The following ZNF517 variants were observed in gnomAD, a reference collection of about 807,000 sequenced individuals.
The protein encoded by ZNF517 is zinc finger protein 517.
ZNF517 carries 12 observed loss-of-function variants against 12.1 expected under a neutral mutation model. The observed-to-expected ratio is 0.99, with a 90% CI of 0.63 to 1.61. The LOEUF (loss-of-function observed/expected upper bound fraction) is 1.61. ZNF517 is among the 40% of genes most tolerant of loss of function. ZNF517 has a pLI of 0.00. For missense variants in ZNF517, 781 were observed against 693.2 expected (o/e 1.13, Z -1.42); for synonymous variants, 388 against 310.2 (o/e 1.25, Z -2.63).
chr8:144,808,648 G>A lies in ZNF517; in HGVS notation c.*253G>A, dbSNP rs535221858. On this transcript the variant is annotated 3_prime_UTR_variant, in exon 5 of 5. Coordinates refer to ENST00000359971, the MANE Select transcript of ZNF517 (RefSeq NM_213605.3). Reference sequence around the variant, plus strand: ...GGGCCTTCCGGAAATGTCCAGGAGCGGGCAGAAGGGAGAGAGGGAGGGGCA... The same window carrying A: ...GGGCCTTCCGGAAATGTCCAGGAGCAGGCAGAAGGGAGAGAGGGAGGGGCA... 4.5e-4 allele frequency: 190 copies of A among 421,480 alleles called. 1 individual carries two copies. The highest frequency in any genetic ancestry group is 7.2e-4 in the Non-Finnish European group (181 of 250,062). 26.1% of individuals were successfully genotyped at this position (421,480 alleles called of 1,614,324 possible).
chr8:144,808,430 A>T lies in ZNF517; in HGVS notation c.*35A>T. The T allele has an allele frequency of 2.1e-6, 3 of 1,440,502 alleles. No individual in the cohort carries two copies. The highest frequency in any genetic ancestry group is 1.8e-6 in the Non-Finnish European group (2 of 1,097,568). The allele number at this position is 1,440,502 out of a possible 1,614,324, so 89.2% of individuals were successfully genotyped here. On this transcript the variant is annotated 3_prime_UTR_variant, in exon 5 of 5. Coordinates refer to ENST00000359971, the MANE Select transcript of ZNF517 (RefSeq NM_213605.3). ...CGACAGGCCGAGGATTCACGCTGGA[A>T]GCCCACCCAAGCCGGCGGGGCCCTA...
intron 1 of ZNF517, chr8:144,802,665 G>T: frequency 2.5e-6 from 2 of 785,284 alleles, no homozygotes; most frequent in Non-Finnish European, 3.1e-6. Context: ...CTCCCAGCAA[G>T]GTGAGAGCCA....
Position 144,808,509 on chromosome 8 carries a change from G to A in ZNF517, c.*114G>A. ...AAGGTGAAGCAAAGTCTAAAGAAAG[G>A]GCCAGCTCCCATCAGGAGCTCGGCT... is the stretch of plus-strand genomic sequence containing the variant. On this transcript the variant is annotated 3_prime_UTR_variant, in exon 5 of 5. Transcript: ENST00000359971. The A allele has an allele frequency of 7.6e-7, 1 of 1,322,410 alleles. No homozygotes were observed. Among genetic ancestry groups the A allele is most frequent in the South Asian group, 2.2e-5 (1 of 45,488 alleles). The allele number at this position is 1,322,410 out of a possible 1,614,324, so 81.9% of individuals were successfully genotyped here. A position where few individuals can be genotyped will look rare whatever the true frequency, so the allele number is the denominator to read the frequency against.
rs1479700871 is a variant in ZNF517 at position 144,807,179 on chromosome 8, T to G, written c.275-12T>G. On this transcript the variant is annotated splice_polypyrimidine_tract_variant and intron_variant, in intron 4 of 4. Transcript: ENST00000359971. Reference sequence around the variant, plus strand: ...GCTGGATCATCCTTCCGTTTTCTGTTCCTTCTCTCAGATTCCAGGATGGAG... The same window carrying G: ...GCTGGATCATCCTTCCGTTTTCTGTGCCTTCTCTCAGATTCCAGGATGGAG... 7.9e-6 allele frequency: 12 copies of G among 1,515,788 alleles called. No homozygotes were observed. The highest frequency in any genetic ancestry group is 1.4e-5 in the African/African-American group (1 of 71,714). The allele number at this position is 1,515,788 out of a possible 1,614,324, so 93.9% of individuals were successfully genotyped here.
rs138557430 is a variant in ZNF517 at position 144,804,155 on chromosome 8, C to A, written c.191C>A (p.Ser64Tyr). 3.2e-4 allele frequency: 518 copies of A among 1,614,034 alleles called. 1 individual carries two copies. Among genetic ancestry groups the A allele is most frequent in the Non-Finnish European group, 3.7e-4 (439 of 1,179,994 alleles). The stretch of plus-strand genomic sequence containing the variant: ...CTTGTTGCCAAACCAGCACTGATCT[C>A]CCTATTGGAGCAAGGAGAGGAGCCG... ...GFLVAKPALI[S>Y]LLEQGEEPGA... The change falls in exon 4 of 5, where the codon TCC (serine) becomes TAC (tyrosine). Residue 64 changes from serine (S) to tyrosine (Y), a missense_variant. Ser to Tyr is a moderately radical substitution (Grantham distance 144, BLOSUM62 -2). Coordinates refer to ENST00000359971, the MANE Select transcript of ZNF517 (RefSeq NM_213605.3).
Position 144,809,243 on chromosome 8 carries a change from T to C in ZNF517, c.*848T>C, listed in dbSNP as rs1827459539. 6.6e-6 allele frequency: 1 copy of C among 151,880 alleles called. No individual in the cohort carries two copies. The highest frequency in any genetic ancestry group is 6.6e-5 in the Admixed American group (1 of 15,246). 9.4% of individuals were successfully genotyped at this position (151,880 alleles called of 1,614,324 possible). On this transcript the variant is annotated 3_prime_UTR_variant, in exon 5 of 5. Transcript: ENST00000359971. ...GATCTCTCTGTCAGCCAGCCTGGAG[T>C]GCAATGGCACAATCATGGCTTACTG... is the stretch of plus-strand genomic sequence containing the variant.
Position 144,804,150 on chromosome 8 carries a change from G to T in ZNF517, c.186G>T (p.Leu62=). Reference sequence around the variant, plus strand: ...GCTTTCTTGTTGCCAAACCAGCACTGATCTCCCTATTGGAGCAAGGAGAGG... The same window carrying T: ...GCTTTCTTGTTGCCAAACCAGCACTTATCTCCCTATTGGAGCAAGGAGAGG... ...SLGFLVAKPA[L]ISLLEQGEEP... The change falls in exon 4 of 5, where the codon CTG becomes CTT. Residue 62 remains leucine, a synonymous_variant. Coordinates refer to ENST00000359971, the MANE Select transcript of ZNF517 (RefSeq NM_213605.3). 1 of 1,614,124 alleles carries T rather than the reference G, an allele frequency of 6.2e-7. No individual in the cohort carries two copies. The highest frequency in any genetic ancestry group is 8.5e-7 in the Non-Finnish European group (1 of 1,179,980).
chr8:144,803,045 A>C (rs1216032007), intron 2 of ZNF517, 98 bp downstream of exon 2: 2 of 1,471,842 alleles, frequency 1.4e-6, no homozygotes, highest in Non-Finnish European at 1.9e-6. Context: ...CCTCACACCC[A>C]CCCACATCAC....
chr8:144,804,592 GAGAT>G (rs1438571151), intron 4 of ZNF517, among the ~76,000 whole-genome samples: 3 of 152,130 alleles, frequency 2.0e-5, no homozygotes, highest in Non-Finnish European at 4.4e-5. Context: ...ACAAGACAAA[GAGAT>G]AGAAGAAAAG....
Position 144,808,257 on chromosome 8 carries a change from C to G in ZNF517, c.1341C>G (p.Ser447Arg), listed in dbSNP as rs879599886. ...YTLNEHYRLH[S>R]GERPYRCRAC... is the part of the protein sequence containing the mutation. ...TGAACGAGCACTACCGGCTCCACAG[C>G]GGCGAGAGGCCATACCGGTGCCGCG... is the stretch of plus-strand genomic sequence containing the variant. Residue 447 changes from serine to arginine, a missense_variant, in exon 5 of 5, where the codon AGC becomes AGG. Ser to Arg is a moderately radical substitution (Grantham distance 110). Coordinates refer to ENST00000359971, the MANE Select transcript of ZNF517 (RefSeq NM_213605.3). The G allele has an allele frequency of 6.3e-6, 10 of 1,590,698 alleles. No homozygotes were observed. Among genetic ancestry groups the G allele is most frequent in the African/African-American group, 2.7e-5 (2 of 74,330 alleles).
chr8:144,805,204 T>C (rs771609573), intron 4 of ZNF517, among the ~76,000 whole-genome samples: 1 of 152,268 alleles, frequency 6.6e-6, no homozygotes, highest in Non-Finnish European at 1.5e-5. Context: ...AGGAGCCCTC[T>C]AGTGGCCCTG....
At chr8:144,803,614 C>T in intron 2 of ZNF517, 27 bp from the exon 3 acceptor site, 1 of 1,612,696 alleles carries the variant, frequency 6.2e-7, no homozygotes, top group Non-Finnish European at 8.5e-7. Context: ...CCCTTGACTG[C>T]CTGGATAGCA....
intron 1 of ZNF517, among the ~76,000 whole-genome samples, 186 bp downstream of exon 1, chr8:144,799,123 C>G (rs914983108): frequency 6.6e-6 from 1 of 152,176 alleles, no homozygotes; most frequent in Non-Finnish European, 1.5e-5. Context: ...CCCTGCGCCC[C>G]GGTCCATGCT....
In ZNF517 at chr8:144,807,449, A is replaced by G. The variant is rs750412457; in HGVS notation, c.533A>G (p.Tyr178Cys). The G allele has an allele frequency of 1.6e-5, 25 of 1,575,942 alleles. No homozygotes were observed. The African/African-American group carries it at 2.3e-4, about 15-fold the overall frequency. The part of the protein sequence containing the change: ...GRPVGSSAPR[Y>C]RCVCGKAFRY... The stretch of plus-strand genomic sequence containing the variant: ...CCTGTGGGGAGCTCAGCCCCCCGCT[A>G]CAGGTGCGTGTGCGGCAAGGCGTTC... The change falls in exon 5 of 5, where the codon TAC (tyrosine) becomes TGC (cysteine). Residue 178 changes from tyrosine to cysteine, a missense_variant. Coordinates refer to ENST00000359971, the MANE Select transcript of ZNF517 (RefSeq NM_213605.3).
rs1026185684 is a variant in ZNF517, at chr8:144,798,920, C to T, written c.-63C>T. ...CGGGCGCCGTGCGCTCCTCCCCGCG[C>T]TGTCTCGGCGGCCCAGGGTGAGTCG... is the stretch of plus-strand genomic sequence containing the variant. On this transcript the variant is annotated 5_prime_UTR_variant, in exon 1 of 5. Transcript: ENST00000359971. The T allele has an allele frequency of 1.3e-5, 2 of 152,128 alleles. No homozygotes were observed. The highest frequency in any genetic ancestry group is 4.8e-5 in the African/African-American group (2 of 41,426). 9.4% of individuals were successfully genotyped at this position (152,128 alleles called of 1,614,324 possible). A position where few individuals can be genotyped will look rare whatever the true frequency, so the allele number is the denominator to read the frequency against.
chr8:144,802,730 G>A, intron 1 of ZNF517, 140 bp from the exon 2 acceptor site: 2 of 1,365,038 alleles, frequency 1.5e-6, no homozygotes, highest in Non-Finnish European at 1.9e-6. Flanking sequence ...ACACCTCCTT[G>A]GGACGTGAAG....
Position 144,807,477 on chromosome 8 carries a change from A to G in ZNF517, c.561A>G (p.Arg187=), listed in dbSNP as rs746412138. ...RYRCVCGKAF[R]YNSLLLRHQI... is the part of the protein sequence containing the mutation. Reference sequence around the variant, plus strand: ...GGTGCGTGTGCGGCAAGGCGTTCAGATACAACTCGCTGCTTCTCAGGCACC... The same window carrying G: ...GGTGCGTGTGCGGCAAGGCGTTCAGGTACAACTCGCTGCTTCTCAGGCACC... The change falls in exon 5 of 5, where the codon AGA becomes AGG. Residue 187 remains arginine, a synonymous_variant. Transcript: ENST00000359971. The G allele has an allele frequency of 1.9e-6, 3 of 1,580,006 alleles. No individual in the cohort carries two copies. The highest frequency in any genetic ancestry group is 2.6e-6 in the Non-Finnish European group (3 of 1,163,958).
At chr8:144,805,592 G>A (rs2130441053) in intron 4 of ZNF517, among the ~76,000 whole-genome samples, 1 of 151,438 alleles carries the variant, frequency 6.6e-6, no homozygotes, top group South Asian at 2.1e-4. Context: ...GCCTCCCAGA[G>A]TGCTGGGATT....
chr8:144,802,631 TA>T (rs1827023557), intron 1 of ZNF517: 4 of 397,504 alleles, frequency 1.0e-5, no homozygotes, highest in Non-Finnish European at 1.4e-5. Flanking sequence ...GGTGGCAGTT[TA>T]AAAAATGGTG....
Sources: allele counts gnomAD v4.1 joint callset (sites outside exome capture counted in the v4.1 genomes callset), GRCh38; gene constraint gnomAD v4.1.1; transcripts MANE v1.5; gene names NCBI Gene and HGNC (gene_info 2026-07-23, HGNC 2026-07-21).